CFAP54: variants seen among roughly 807,000 people sequenced by gnomAD.
CFAP54 encodes the protein cilia- and flagella-associated protein 54.
CFAP54 carries 290 observed loss-of-function variants against 370.4 expected under a neutral mutation model. That is an observed-to-expected ratio of 0.78 (90% CI 0.71 to 0.86). The LOEUF (loss-of-function observed/expected upper bound fraction) is 0.86, where lower values mean the gene tolerates loss of function less well. Ranked by LOEUF, CFAP54 falls within the 40% of genes least tolerant of loss-of-function variation. The pLI is 0.00. For missense variants in CFAP54, 3,399 were observed against 3,528.7 expected (o/e 0.96, Z 0.93); for synonymous variants, 1,206 against 1,236.5 (o/e 0.98, Z 0.52).
At chr12:96,638,951 G>T (rs748589475) in intron 32 of CFAP54, among the ~76,000 whole-genome samples, 21 of 152,102 alleles carry the variant, frequency 1.4e-4, no homozygotes, top group Non-Finnish European at 2.8e-4. Context: ...CTGTGATCTT[G>T]GTTATTTCTT....
intron 64 of CFAP54, among the ~76,000 whole-genome samples, chr12:96,813,634 A>G (rs1256637650): frequency 6.6e-6 from 1 of 152,190 alleles, no homozygotes; most frequent in Non-Finnish European, 1.5e-5. Context: ...AGTTCTATCT[A>G]AATTGTGCTG....
At chr12:96,811,957 A>C (rs1958933110) in intron 64 of CFAP54, 115 bp downstream of exon 64, 2 of 577,336 alleles carry the variant, frequency 3.5e-6, no homozygotes, top group East Asian at 6.5e-5. Flanking sequence ...CACTTCGCGA[A>C]GAATCTTCCT....
chr12:96,857,529 C>T (rs562606052), intron 66 of CFAP54, among the ~76,000 whole-genome samples: 1 of 152,218 alleles, frequency 6.6e-6, no homozygotes, highest in Non-Finnish European at 1.5e-5. Context: ...TTTCTTTATC[C>T]AATCTGTCAT....
intron 33 of CFAP54, among the ~76,000 whole-genome samples, chr12:96,644,886 A>G (rs1169346302): frequency 6.6e-6 from 1 of 152,156 alleles, no homozygotes; most frequent in Non-Finnish European, 1.5e-5. Flanking sequence ...GCCAAACCAT[A>G]TCACTAACCA....
At chr12:96,651,949 A>G in intron 36 of CFAP54, 134 bp downstream of exon 36, 4 of 642,982 alleles carry the variant, frequency 6.2e-6, no homozygotes, top group Non-Finnish European at 1.0e-5. Context: ...TTCTCATTAT[A>G]ATTTTGTTTA....
intron 39 of CFAP54, among the ~76,000 whole-genome samples, chr12:96,672,080 G>C (rs952940838): frequency 9.8e-5 from 15 of 152,292 alleles, no homozygotes; most frequent in Admixed American, 5.2e-4. Context: ...AGAGCTGGGG[G>C]TGGTGGCTCA....
Position 96,742,587 on chromosome 12 carries a change from G to T in CFAP54, c.7219+1G>T. On this transcript the variant is annotated splice_donor_variant, in intron 52 of 67. Coordinates refer to ENST00000524981, the MANE Select transcript of CFAP54 (RefSeq NM_001306084.2). LOFTEE classifies it high-confidence loss of function. ...ATTCATGGCATTGGAATTGTGAAAG[G>T]TACAAACATTTGCTTAATCAATGTT... 3 of 1,609,704 alleles carry T rather than the reference G, an allele frequency of 1.9e-6. No homozygotes were observed. The highest frequency in any genetic ancestry group is 1.1e-5 in the South Asian group (1 of 89,866).
chr12:96,566,489 T>A (rs1034538530), intron 19 of CFAP54, among the ~76,000 whole-genome samples: 2 of 151,312 alleles, frequency 1.3e-5, no homozygotes, highest in African/African-American at 4.8e-5. Flanking sequence ...GAGGATTAGA[T>A]TTTTTTTAAA....
At chr12:96,629,655 C>T (rs552756648) in intron 30 of CFAP54, among the ~76,000 whole-genome samples, 1 of 114,420 alleles carries the variant, frequency 8.7e-6, no homozygotes, top group East Asian at 2.0e-4. Flanking sequence ...TATTCAGTCT[C>T]CTGTAAATAG....
In CFAP54 at chr12:96,688,943, G is replaced by A. The variant is rs760394350; in HGVS notation, c.6042G>A (p.Lys2014=). ...TTATTAAGTCATTGAATGTTGAAAA[G>A]AAAACTGACTGTTGCATTTTGTCTG... The part of the protein sequence containing the change: ...AQFIKSLNVE[K]KTDCCILSAL... The change falls in exon 43 of 68, where the codon AAG becomes AAA. Residue 2014 remains lysine, a synonymous_variant. Transcript: ENST00000524981. 1.6e-5 allele frequency: 26 copies of A among 1,581,660 alleles called. No homozygotes were observed. The highest frequency in any genetic ancestry group is 2.1e-5 in the Non-Finnish European group (25 of 1,168,312).
chr12:96,743,860 A>T lies in CFAP54; in HGVS notation c.7507A>T (p.Thr2503Ser). 6.2e-7 allele frequency: 1 copy of T among 1,613,780 alleles called. No homozygotes were observed. The highest frequency in any genetic ancestry group is 8.5e-7 in the Non-Finnish European group (1 of 1,179,886). The change falls in exon 54 of 68, where the codon ACA becomes TCA. Residue 2503 changes from threonine (T) to serine (S), a missense_variant. Coordinates refer to ENST00000524981, the MANE Select transcript of CFAP54 (RefSeq NM_001306084.2). The stretch of plus-strand genomic sequence containing the variant: ...ATTCAAGGAATCTCCCTCTTCAAAA[A>T]CAGGAAAATTAAATTTGTTAACTCG... ...EKFKESPSSKTGKLNLLTRAH... is the reference protein window; with the variant it reads ...EKFKESPSSKSGKLNLLTRAH...
chr12:96,541,055 G>T, intron 14 of CFAP54, 68 bp downstream of exon 14: 1 of 1,015,704 alleles, frequency 9.8e-7, no homozygotes, highest in Admixed American at 3.8e-5. Flanking sequence ...ATCAAATGCA[G>T]GATAACTCCT....
At chr12:96,575,507 T>A (rs1955965524) in intron 19 of CFAP54, among the ~76,000 whole-genome samples, 1 of 151,956 alleles carries the variant, frequency 6.6e-6, no homozygotes. Flanking sequence ...TGTTCCAGAG[T>A]GCTTAAAATG....
In CFAP54 at chr12:96,850,419, G is replaced by A. The variant is rs575155835; in HGVS notation, c.9172-10400G>A. 5.9e-5 allele frequency among the ~76,000 whole-genome samples: 9 copies of A among 152,188 alleles called. No homozygotes were observed. The East Asian group carries it at 7.8e-4, about 13-fold the overall frequency. On this transcript the variant is annotated intron_variant, in intron 66 of 67. Coordinates refer to ENST00000524981, the MANE Select transcript of CFAP54 (RefSeq NM_001306084.2). Reference sequence around the variant, plus strand: ...GTGGGAGAGGCTGCACGAAGCAGGAGCGTTTCATGGAGAGCCTTGGACTTG... The same window carrying A: ...GTGGGAGAGGCTGCACGAAGCAGGAACGTTTCATGGAGAGCCTTGGACTTG...
At chr12:96,522,255 G>A in intron 8 of CFAP54, 66 bp downstream of exon 8, 3 of 1,077,076 alleles carry the variant, frequency 2.8e-6, no homozygotes, top group Non-Finnish European at 2.6e-6. Flanking sequence ...ATGCTCCTAT[G>A]TCTTTCAAGC....
intron 41 of CFAP54, 56 bp downstream of exon 41, chr12:96,684,791 A>G: frequency 2.1e-6 from 3 of 1,412,620 alleles, no homozygotes; most frequent in Non-Finnish European, 2.9e-6. Context: ...TGCTTGTTTG[A>G]AGAAGTTTTT....
chr12:96,822,498 T>C (rs1440243500), intron 65 of CFAP54, among the ~76,000 whole-genome samples: 1 of 152,174 alleles, frequency 6.6e-6, no homozygotes, highest in East Asian at 1.9e-4. Flanking sequence ...TGAGGAACTA[T>C]TATGTGCAAA....
chr12:96,608,848 G>A (rs1394992005), intron 26 of CFAP54, among the ~76,000 whole-genome samples: 1 of 152,052 alleles, frequency 6.6e-6, no homozygotes, highest in Non-Finnish European at 1.5e-5. Context: ...AAAACTGACA[G>A]GCAGGGAGAA....
intron 58 of CFAP54, among the ~76,000 whole-genome samples, chr12:96,760,135 A>G (rs1958318273): frequency 6.6e-6 from 1 of 152,222 alleles, no homozygotes; most frequent in East Asian, 1.9e-4. Context: ...AGTGGGGCAA[A>G]GTAGGGACTA....
Sources: gnomAD v4.1 joint callset for allele counts (sites outside exome capture counted in the v4.1 genomes callset) on GRCh38, gnomAD v4.1.1 for gene constraint, MANE v1.5 for transcripts, NCBI Gene and HGNC (gene_info 2026-07-23, HGNC 2026-07-21) for gene names.